Variants in NEURL4 observed in about 807,000 individuals in gnomAD.
The protein encoded by NEURL4 is neuralized-like protein 4.
In NEURL4, 45 loss-of-function variants were observed where a neutral mutation model predicts 148.0. The ratio of observed to expected loss-of-function variants is 0.30; its 90% confidence interval spans 0.24 to 0.39. The LOEUF (loss-of-function observed/expected upper bound fraction) is 0.39, where lower values mean the gene tolerates loss of function less well. Ranked by LOEUF, NEURL4 falls within the 10% of genes least tolerant of loss-of-function variation. The probability of loss-of-function intolerance (pLI) is 1.00; values close to 1 mark genes in which losing one functional copy is unlikely to be tolerated. For missense variants in NEURL4, 1,776 were observed against 2,144.0 expected, an observed-to-expected ratio of 0.83 and a Z score of 3.39; for synonymous variants, 854 against 869.0, an observed-to-expected ratio of 0.98 and a Z score of 0.30.
chr17:7,323,404 A>T (rs969713022), intron 14 of NEURL4, 81 bp downstream of exon 14: 2 of 1,436,630 alleles, frequency 1.4e-6, no homozygotes, highest in African/African-American at 2.8e-5. Flanking sequence ...ACCCACAGCC[A>T]CCATAGGCCC....
At chr17:7,323,232 G>C in intron 14 of NEURL4, 109 bp from the exon 15 acceptor site, 1 of 1,241,656 alleles carries the variant, frequency 8.1e-7, no homozygotes, top group South Asian at 1.4e-5. Flanking sequence ...CTGGTGTCTT[G>C]ATCTGGGTGT....
intron 20 of NEURL4, 60 bp from the exon 21 acceptor site, chr17:7,320,983 A>G: frequency 1.2e-6 from 2 of 1,603,502 alleles, no homozygotes; most frequent in South Asian, 2.2e-5. Context: ...GACCCACCCC[A>G]CTGGAGTTTG....
rs774053868 is a variant in NEURL4 at position 7,326,796 on chromosome 17, G to A, written c.1007C>T (p.Thr336Met). The change falls in exon 4 of 29, where the codon ACG becomes ATG. Residue 336 changes from threonine (T) to methionine (M), a missense_variant. Thr to Met is a moderately conservative substitution (Grantham distance 81). Coordinates refer to ENST00000399464, the MANE Select transcript of NEURL4 (RefSeq NM_032442.3). This position sits in a 1 kb window ranked among gnomAD's most constrained non-coding sequence, Gnocchi z 6.0. ...ATCCAGGGGCCGCCGGCGCTCAGCC[G>A]TCTTATTATTGTTGCTGAGTTTGAT... is the stretch of plus-strand genomic sequence containing the variant. ...TLIKLSNNNK[T>M]AERRRPLDEF... 1.7e-5 allele frequency: 28 copies of A among 1,613,192 alleles called. No individual in the cohort carries two copies. Among genetic ancestry groups the A allele is most frequent in the Non-Finnish European group, 2.1e-5 (25 of 1,179,832 alleles).
intron 7 of NEURL4, 22 bp downstream of exon 7, chr17:7,325,619 G>A: frequency 6.2e-7 from 1 of 1,607,358 alleles, no homozygotes; most frequent in South Asian, 1.1e-5. Context: ...CGGCCCAGAG[G>A]CTCTCTCTGG....
Position 7,315,852 on chromosome 17 carries a change from C to A in NEURL4, c.*271G>T. Reference sequence around the variant, plus strand: ...GTGGGGTAGGGGAGTAAAAGGGAGTCATGTTCCCCAAATCAGTGCATGAAG... The same window carrying A: ...GTGGGGTAGGGGAGTAAAAGGGAGTAATGTTCCCCAAATCAGTGCATGAAG... On this transcript the variant is annotated 3_prime_UTR_variant, in exon 29 of 29. Transcript: ENST00000399464. 1.8e-6 allele frequency: 1 copy of A among 555,302 alleles called. No individual in the cohort carries two copies. The highest frequency in any genetic ancestry group is 2.4e-5 in the South Asian group (1 of 41,666). 34.4% of individuals were successfully genotyped at this position (555,302 alleles called of 1,614,324 possible).
At position 7,316,341 on chromosome 17, in the gene NEURL4, A is replaced by C. The variant is rs2143011029; in HGVS notation, c.4485-14T>G. On this transcript the variant is annotated splice_polypyrimidine_tract_variant and intron_variant, in intron 28 of 28. Coordinates refer to ENST00000399464, the MANE Select transcript of NEURL4 (RefSeq NM_032442.3). ...GGGTCCCGGAATCTGTCAGACAAGA[A>C]AAAATAAGGGAGTGAAGCCTCTCGC... 1 of 1,609,134 alleles carries C rather than the reference A, an allele frequency of 6.2e-7. No individual in the cohort carries two copies. The highest frequency in any genetic ancestry group is 8.5e-7 in the Non-Finnish European group (1 of 1,177,402).
Position 7,324,573 on chromosome 17 carries a change from T to C in NEURL4, c.1814-93A>G. 8.0e-7 allele frequency: 1 copy of C among 1,249,358 alleles called. No individual in the cohort carries two copies. Among genetic ancestry groups the C allele is most frequent in the Non-Finnish European group, 1.2e-6 (1 of 862,884 alleles). 77.4% of individuals were successfully genotyped at this position (1,249,358 alleles called of 1,614,324 possible). On this transcript the variant is annotated intron_variant, in intron 9 of 28. Transcript: ENST00000399464. The surrounding 1 kb of genome is among the most constrained non-coding windows in gnomAD (Gnocchi z 5.9). ...GCCCACAGGACTCCCGAGCCCACAG[T>C]CCACCTTGCCTTTTCTTTGATGACT...
In NEURL4 at chr17:7,321,814, GC is replaced by G. The variant is rs1365298661; in HGVS notation, c.2872-28del. On this transcript the variant is annotated intron_variant, in intron 17 of 28. Coordinates refer to ENST00000399464, the MANE Select transcript of NEURL4 (RefSeq NM_032442.3). The surrounding 1 kb of genome is among the most constrained non-coding windows in gnomAD (Gnocchi z 6.3). The stretch of plus-strand genomic sequence containing the variant: ...TACGAGACAGAGAAAACATAAGCTG[GC>G]CCTGTCGTGATGGGCCTCGCAGCCC... 1.2e-6 allele frequency: 2 copies of G among 1,612,076 alleles called. No individual in the cohort carries two copies. The highest frequency in any genetic ancestry group is 1.7e-6 in the Non-Finnish European group (2 of 1,178,776).
rs866362814 is a variant in NEURL4, at chr17:7,318,775, C to G, written c.3685-101G>C. The G allele has an allele frequency of 5.4e-6, 7 of 1,292,120 alleles. No homozygotes were observed. Among genetic ancestry groups the G allele is most frequent in the Middle Eastern group, 2.7e-4 (1 of 3,736 alleles). 80.0% of individuals were successfully genotyped at this position (1,292,120 alleles called of 1,614,324 possible). ...TTTTGCCAGTGCCTTGGCTTTGCCTCCATGCTTGCCCACTGCCGAGGTTCT... is the reference window on the plus strand; with the variant it reads ...TTTTGCCAGTGCCTTGGCTTTGCCTGCATGCTTGCCCACTGCCGAGGTTCT... On this transcript the variant is annotated intron_variant, in intron 22 of 28. Transcript: ENST00000399464. This position sits in a 1 kb window ranked among gnomAD's most constrained non-coding sequence, Gnocchi z 4.3.
Position 7,321,686 on chromosome 17 carries a change from GCCA to G in NEURL4, c.2970_2972del (p.Gly991del). ...CTGGCAGGGAAGGAGGCAGCCCTGG[GCCA>G]CCACCGCCTGCCCCGGGTCCCATCT... On this transcript the variant is annotated inframe_deletion, in exon 18 of 29. Coordinates refer to ENST00000399464, the MANE Select transcript of NEURL4 (RefSeq NM_032442.3). The surrounding 1 kb of genome is among the most constrained non-coding windows in gnomAD (Gnocchi z 6.3). The G allele has an allele frequency of 1.2e-6, 2 of 1,613,664 alleles. No individual in the cohort carries two copies. Among genetic ancestry groups the G allele is most frequent in the Admixed American group, 1.7e-5 (1 of 60,022 alleles).
At chr17:7,328,342 C>T (rs547609264) in intron 1 of NEURL4, among the ~76,000 whole-genome samples, 8 of 152,352 alleles carry the variant, frequency 5.3e-5, no homozygotes, top group Non-Finnish European at 1.2e-4. Flanking sequence ...ACACACACCT[C>T]CCTCACCCTG....
At position 7,324,278 on chromosome 17, in the gene NEURL4, G is replaced by A. The variant is rs770247491; in HGVS notation, c.1900-8C>T. 2 of 1,613,910 alleles carry A rather than the reference G, an allele frequency of 1.2e-6. No individual in the cohort carries two copies. Among genetic ancestry groups the A allele is most frequent in the Admixed American group, 1.7e-5 (1 of 60,030 alleles). ...GCCCACCGTGTCCCCTGCCTTGGAA[G>A]AAGGGGGTGCTGGAGTGAGGAGTCA... On this transcript the variant is annotated splice_region_variant and splice_polypyrimidine_tract_variant and intron_variant, in intron 10 of 28. Transcript: ENST00000399464. The surrounding 1 kb of genome is among the most constrained non-coding windows in gnomAD (Gnocchi z 5.9).
chr17:7,325,153 C>G lies in NEURL4; in HGVS notation c.1631+56G>C, dbSNP rs1279453486. ...CTGCCTTCCACTTCCTTGCCCCGCC[C>G]CCCCCCCCCCATTAGAATCCCTTCT... On this transcript the variant is annotated intron_variant, in intron 8 of 28. Coordinates refer to ENST00000399464, the MANE Select transcript of NEURL4 (RefSeq NM_032442.3). 9.0e-5 allele frequency: 43 copies of G among 477,342 alleles called. 1 individual carries two copies. Among genetic ancestry groups the G allele is most frequent in the South Asian group, 5.9e-4 (30 of 51,004 alleles). 29.6% of individuals were successfully genotyped at this position (477,342 alleles called of 1,614,324 possible).
At chr17:7,325,601 G>A (rs770746006) in intron 7 of NEURL4, 40 bp downstream of exon 7, 21 of 1,603,586 alleles carry the variant, frequency 1.3e-5, no homozygotes, top group Admixed American at 5.0e-5. Context: ...CAGCCCCACC[G>A]AAAGCCCCGG....
rs2073041895 is a variant in NEURL4, at chr17:7,322,081, G to A, written c.2726-71C>T. The A allele has an allele frequency of 1.1e-5, 16 of 1,502,584 alleles. No homozygotes were observed. The highest frequency in any genetic ancestry group is 1.4e-5 in the Non-Finnish European group (16 of 1,129,006). 93.1% of individuals were successfully genotyped at this position (1,502,584 alleles called of 1,614,324 possible). On this transcript the variant is annotated intron_variant, in intron 16 of 28. Coordinates refer to ENST00000399464, the MANE Select transcript of NEURL4 (RefSeq NM_032442.3). The surrounding 1 kb of genome is among the most constrained non-coding windows in gnomAD (Gnocchi z 5.5). ...AGCTTCAGGCAGAACACAGAGCAAA[G>A]CTTTCAGATGAAACGAAATGGGGAT...
rs1279453486 is a variant in NEURL4, at chr17:7,325,153, C to T, written c.1631+56G>A. 3.1e-5 allele frequency: 15 copies of T among 477,338 alleles called. 2 individuals carry two copies. The highest frequency in any genetic ancestry group is 4.9e-5 in the Non-Finnish European group (14 of 284,088). The allele number at this position is 477,338 out of a possible 1,614,324, so 29.6% of individuals were successfully genotyped here. The stretch of plus-strand genomic sequence containing the variant: ...CTGCCTTCCACTTCCTTGCCCCGCC[C>T]CCCCCCCCCCATTAGAATCCCTTCT... On this transcript the variant is annotated intron_variant, in intron 8 of 28. Transcript: ENST00000399464.
In NEURL4 at chr17:7,321,915, G is replaced by A. The variant is rs375446661; in HGVS notation, c.2821C>T (p.His941Tyr). 2.5e-6 allele frequency: 4 copies of A among 1,613,920 alleles called. No homozygotes were observed. Among genetic ancestry groups the A allele is most frequent in the Admixed American group, 1.7e-5 (1 of 60,004 alleles). ...TRAVRAAGYA[H>Y]GLVFSTKELR... Reference sequence around the variant, plus strand: ...TCCTTGGTACTGAAGACAAGGCCATGAGCATAGCCAGCGGCACGCACTGCC... The same window carrying A: ...TCCTTGGTACTGAAGACAAGGCCATAAGCATAGCCAGCGGCACGCACTGCC... The change falls in exon 17 of 29, where the codon CAT becomes TAT. Residue 941 changes from histidine to tyrosine, a missense_variant. Coordinates refer to ENST00000399464, the MANE Select transcript of NEURL4 (RefSeq NM_032442.3). This position sits in a 1 kb window ranked among gnomAD's most constrained non-coding sequence, Gnocchi z 6.3.
At position 7,327,329 on chromosome 17, in the gene NEURL4, T is replaced by A; in HGVS notation, c.728-99A>T. ...CCATCCTCTAGCTCCTGCTCTCCCA[T>A]TCAACAGACTTGGGGATCAGGGTGG... On this transcript the variant is annotated intron_variant, in intron 2 of 28. Coordinates refer to ENST00000399464, the MANE Select transcript of NEURL4 (RefSeq NM_032442.3). This position sits in a 1 kb window ranked among gnomAD's most constrained non-coding sequence, Gnocchi z 6.6. 12 of 1,441,598 alleles carry A rather than the reference T, an allele frequency of 8.3e-6. No individual in the cohort carries two copies. Among genetic ancestry groups the A allele is most frequent in the Non-Finnish European group, 1.1e-5 (12 of 1,066,646 alleles). The allele number at this position is 1,441,598 out of a possible 1,614,324, so 89.3% of individuals were successfully genotyped here. A position where few individuals can be genotyped will look rare whatever the true frequency, so the allele number is the denominator to read the frequency against.
intron 21 of NEURL4, 105 bp downstream of exon 21, chr17:7,320,653 AG>A: frequency 2.0e-6 from 2 of 1,021,346 alleles, no homozygotes; most frequent in Non-Finnish European, 2.9e-6. Context: ...AGCTCATCCA[AG>A]TGGCTTGCTT....
Sources: allele counts gnomAD v4.1 joint callset (sites outside exome capture counted in the v4.1 genomes callset), GRCh38; gene constraint gnomAD v4.1.1; non-coding constraint Gnocchi (gnomAD v3.1); transcripts MANE v1.5; gene names NCBI Gene and HGNC (gene_info 2026-07-23, HGNC 2026-07-21).